PRKN: variants seen among roughly 807,000 people sequenced by gnomAD.
PRKN encodes E3 ubiquitin-protein ligase parkin.
A neutral mutation model predicts 59.5 loss-of-function variants in PRKN; 56 were observed. The observed-to-expected ratio is 0.94, with a 90% CI of 0.76 to 1.18. The LOEUF (loss-of-function observed/expected upper bound fraction) is 1.18, where lower values mean the gene tolerates loss of function less well. Among genes scored for constraint, PRKN ranks in the 50% most tolerant of loss-of-function variants. The probability of loss-of-function intolerance (pLI) is 0.00; values close to 1 mark genes in which losing one functional copy is unlikely to be tolerated. For synonymous variants in PRKN, 250 were observed against 222.1 expected (o/e 1.13, Z -1.12); for missense variants, 657 against 596.4 (o/e 1.10, Z -1.06).
At chr6:162,214,101 A>G (rs1180138238) in intron 3 of PRKN, among the ~76,000 whole-genome samples, 1 of 152,100 alleles carries the variant, frequency 6.6e-6, no homozygotes, top group Non-Finnish European at 1.5e-5. Flanking sequence ...TCAGACGTAC[A>G]GCATACACAC....
intron 6 of PRKN, among the ~76,000 whole-genome samples, chr6:161,951,385 CCTT>C (rs144996701): frequency 0.02 from 3,043 of 152,268 alleles, 105 homozygotes; most frequent in African/African-American, 0.067. Flanking sequence ...GAACTATTAA[CCTT>C]CTTCTCTCTT....
chr6:162,453,771 C>A (rs748470882), intron 1 of PRKN, among the ~76,000 whole-genome samples: 24 of 151,998 alleles, frequency 1.6e-4, no homozygotes, highest in Non-Finnish European at 3.1e-4. Flanking sequence ...GGCGTGGTGG[C>A]GCACACCTGT....
rs780213945 is a variant in PRKN at position 162,035,988 on chromosome 6, A to C, written c.618+18103T>G. Among the ~76,000 whole-genome samples the C allele has an allele frequency of 1.0e-3, 153 of 152,312 alleles. 1 individual carries two copies. The highest frequency in any genetic ancestry group is 1.6e-3 in the Non-Finnish European group (111 of 68,016). ...TTTCATTAAATATCTCCAAGTGTAG[A>C]GAAGATCCTCCTAATAATGATAACA... On this transcript the variant is annotated intron_variant, in intron 5 of 11. Transcript: ENST00000366898.
At chr6:161,389,793 A>T (rs1312124867) in intron 9 of PRKN, among the ~76,000 whole-genome samples, 1 of 152,196 alleles carries the variant, frequency 6.6e-6, no homozygotes, top group African/African-American at 2.4e-5. Context: ...TTCACATCTT[A>T]TTAGCTCGTG....
chr6:161,477,462 G>A (rs189108722), intron 9 of PRKN, among the ~76,000 whole-genome samples: 40 of 142,974 alleles, frequency 2.8e-4, no homozygotes, highest in Non-Finnish European at 4.1e-4. Flanking sequence ...GTTGTGGTGA[G>A]CCGAGATCAC....
At position 161,871,889 on chromosome 6, in the gene PRKN, C is replaced by T. The variant is rs376370863; in HGVS notation, c.735-85981G>A. ...CACACCACAGGCACGAGGACGTGAA[C>T]GGCTCCAGCATTCACTGACCGTCTT... On this transcript the variant is annotated intron_variant, in intron 6 of 11. Transcript: ENST00000366898. Among the ~76,000 whole-genome samples the T allele has an allele frequency of 7.9e-5, 12 of 152,294 alleles. No individual in the cohort carries two copies. In the South Asian group the frequency reaches 1.2e-3, roughly 16 times the overall value.
chr6:161,380,977 G>A (rs955126906), intron 10 of PRKN, among the ~76,000 whole-genome samples: 13 of 152,134 alleles, frequency 8.5e-5, no homozygotes, highest in South Asian at 4.2e-4. Flanking sequence ...ACCCCCACCC[G>A]CCCCAGCATG....
intron 6 of PRKN, among the ~76,000 whole-genome samples, chr6:161,821,807 G>T (rs528964081): frequency 1.6e-5 from 2 of 126,774 alleles, no homozygotes; most frequent in South Asian, 5.1e-4. Context: ...GGAGTGCAGT[G>T]GTGCAATCTC....
intron 1 of PRKN, among the ~76,000 whole-genome samples, chr6:162,628,769 T>C (rs1244985191): frequency 6.6e-6 from 1 of 152,116 alleles, no homozygotes; most frequent in African/African-American, 2.4e-5. Flanking sequence ...TGTATTCTTA[T>C]ATATAAGGTC....
chr6:161,934,828 C>A (rs1402582207), intron 6 of PRKN, among the ~76,000 whole-genome samples: 2 of 152,038 alleles, frequency 1.3e-5, no homozygotes, highest in Non-Finnish European at 2.9e-5. Context: ...CATTGAACCC[C>A]AAATTTAGAT....
At chr6:161,782,353 A>G (rs1005002403) in intron 7 of PRKN, among the ~76,000 whole-genome samples, 1 of 152,212 alleles carries the variant, frequency 6.6e-6, no homozygotes, top group Admixed American at 6.5e-5. Flanking sequence ...AAGGTGACAC[A>G]TCTATACCAT....
At chr6:161,724,112 T>C (rs769362128) in intron 7 of PRKN, among the ~76,000 whole-genome samples, 1 of 152,190 alleles carries the variant, frequency 6.6e-6, no homozygotes. Flanking sequence ...CTGCAATGTC[T>C]AGATTTAAGG....
In PRKN at chr6:161,480,450, G is replaced by A. The variant is rs1257857455; in HGVS notation, c.1083+68404C>T. Reference sequence around the variant, plus strand: ...ATCTTAATTCTCTTATTTCACATATGAGAAAATTGAGAGCTTAAACAGCTT... The same window carrying A: ...ATCTTAATTCTCTTATTTCACATATAAGAAAATTGAGAGCTTAAACAGCTT... On this transcript the variant is annotated intron_variant, in intron 9 of 11. Coordinates refer to ENST00000366898, the MANE Select transcript of PRKN (RefSeq NM_004562.3). This position sits in a 1 kb window ranked among gnomAD's most constrained non-coding sequence, Gnocchi z 4.1. 3.3e-5 allele frequency among the ~76,000 whole-genome samples: 5 copies of A among 152,164 alleles called. No homozygotes were observed. Among genetic ancestry groups the A allele is most frequent in the Non-Finnish European group, 7.3e-5 (5 of 68,032 alleles).
At chr6:161,715,128 G>C (rs1171169337) in intron 7 of PRKN, among the ~76,000 whole-genome samples, 1 of 152,168 alleles carries the variant, frequency 6.6e-6, no homozygotes, top group African/African-American at 2.4e-5. Context: ...TTTTTATAAC[G>C]AAAATGTGCA....
chr6:161,659,039 G>A (rs561139255), intron 7 of PRKN, among the ~76,000 whole-genome samples: 97 of 152,324 alleles, frequency 6.4e-4, no homozygotes, highest in African/African-American at 2.2e-3. Context: ...TTTAGTACAT[G>A]TTTAACTGCC....
At chr6:162,155,878 A>T (rs1228634487) in intron 4 of PRKN, among the ~76,000 whole-genome samples, 1 of 152,092 alleles carries the variant, frequency 6.6e-6, no homozygotes, top group African/African-American at 2.4e-5. Context: ...ATAAGTGATT[A>T]TAAAACCATT....
chr6:161,559,531 G>T (rs371061061), intron 8 of PRKN, among the ~76,000 whole-genome samples: 2 of 152,196 alleles, frequency 1.3e-5, no homozygotes, highest in Non-Finnish European at 2.9e-5. Context: ...ATAAATGAGC[G>T]TTGCCTCTGC....
At chr6:162,147,595 G>A (rs1782086401) in intron 4 of PRKN, among the ~76,000 whole-genome samples, 1 of 152,070 alleles carries the variant, frequency 6.6e-6, no homozygotes, top group Admixed American at 6.6e-5. Flanking sequence ...ATGATTTCAT[G>A]ATACCTTACA....
chr6:162,582,773 C>T (rs2846552), intron 1 of PRKN, among the ~76,000 whole-genome samples: 143,641 of 152,264 alleles, frequency 0.94, 67,881 homozygotes, highest in Middle Eastern at 0.97. Context: ...TGTTTTTAAA[C>T]TGTACCTTAC....
Sources: gnomAD v4.1 joint callset for allele counts (sites outside exome capture counted in the v4.1 genomes callset) on GRCh38, gnomAD v4.1.1 for gene constraint, Gnocchi (gnomAD v3.1) non-coding constraint, MANE v1.5 for transcripts, NCBI Gene and HGNC (gene_info 2026-07-23, HGNC 2026-07-21) for gene names.